The following IPCEF1 variants were observed in gnomAD, a reference collection of about 807,000 sequenced individuals.
The protein encoded by IPCEF1 is interaction protein for cytohesin exchange factors 1.
Under a neutral mutation model 50.9 loss-of-function variants are expected in IPCEF1, and 31 were observed. The observed-to-expected ratio is 0.61, with a 90% CI of 0.46 to 0.82. The LOEUF (loss-of-function observed/expected upper bound fraction) is 0.82. IPCEF1 is among the 40% of genes least tolerant of loss of function. The pLI is 0.00. For synonymous variants in IPCEF1, 181 were observed against 192.0 expected (o/e 0.94, Z 0.47); for missense variants, 458 against 514.0 (o/e 0.89, Z 1.05).
At chr6:154,250,164 G>A (rs907711369) in intron 3 of IPCEF1, among the ~76,000 whole-genome samples, 1 of 151,208 alleles carries the variant, frequency 6.6e-6, no homozygotes, top group Non-Finnish European at 1.5e-5. Flanking sequence ...TTGCATCTAA[G>A]ATAGATTTTA....
chr6:154,311,043 G>C (rs1467648127), intron 1 of IPCEF1, among the ~76,000 whole-genome samples: 1 of 152,056 alleles, frequency 6.6e-6, no homozygotes, highest in Non-Finnish European at 1.5e-5. Context: ...TGTTGGAAGG[G>C]AATAAATATG....
At chr6:154,260,473 G>T (rs1781569171) in intron 3 of IPCEF1, among the ~76,000 whole-genome samples, 1 of 92,334 alleles carries the variant, frequency 1.1e-5, no homozygotes, top group African/African-American at 4.1e-5. Flanking sequence ...TAAGACCAGA[G>T]AACTTTTTTT....
intron 1 of IPCEF1, among the ~76,000 whole-genome samples, chr6:154,331,970 T>C (rs1209307121): frequency 2.6e-5 from 4 of 152,192 alleles, no homozygotes; most frequent in Non-Finnish European, 5.9e-5. Flanking sequence ...GTTTACATCC[T>C]TTCATTACTG....
intron 10 of IPCEF1, among the ~76,000 whole-genome samples, chr6:154,181,384 T>C (rs1032926365): frequency 2.0e-5 from 3 of 152,174 alleles, no homozygotes; most frequent in African/African-American, 4.8e-5. Flanking sequence ...AACACTTCTA[T>C]GAGAAGTGTT....
intron 3 of IPCEF1, among the ~76,000 whole-genome samples, chr6:154,257,898 A>T (rs145567350): frequency 2.0e-4 from 30 of 152,124 alleles, no homozygotes; most frequent in African/African-American, 7.0e-4. Flanking sequence ...AGATGGAGTC[A>T]TGCCATGTGG....
intron 5 of IPCEF1, among the ~76,000 whole-genome samples, chr6:154,238,846 C>T (rs1228652913): frequency 6.6e-6 from 1 of 151,714 alleles, no homozygotes; most frequent in African/African-American, 2.4e-5. Context: ...ATGCCTGGCC[C>T]TATTGTATAA....
chr6:154,160,180 G>T, intron 11 of IPCEF1, 140 bp from the exon 12 acceptor site: 1 of 683,380 alleles, frequency 1.5e-6, no homozygotes, highest in Non-Finnish European at 2.5e-6. Context: ...TCTAATTCCA[G>T]CATTAAGCTT....
intron 1 of IPCEF1, among the ~76,000 whole-genome samples, chr6:154,304,268 TA>T (rs900491016): frequency 2.8e-4 from 43 of 152,128 alleles, no homozygotes; most frequent in Admixed American, 2.0e-3. Context: ...AAATATACTT[TA>T]AAAATACATC....
intron 5 of IPCEF1, among the ~76,000 whole-genome samples, chr6:154,240,453 T>G (rs545687482): frequency 6.6e-6 from 1 of 152,174 alleles, no homozygotes; most frequent in African/African-American, 2.4e-5. Context: ...TGCCTACTGA[T>G]GAAAGGTTCA....
chr6:154,161,756 T>C (rs921294780), intron 11 of IPCEF1, among the ~76,000 whole-genome samples: 2 of 152,216 alleles, frequency 1.3e-5, no homozygotes, highest in African/African-American at 4.8e-5. Context: ...TCCCTGCACC[T>C]AACGCAATGC....
rs1285820897 is a variant in IPCEF1, at chr6:154,263,852, G to A, written c.36+2060C>T. Reference sequence around the variant, plus strand: ...CAGAGGCGCCCCTCACCTCCCGGACGGGGCGGCTGGCCGGGCGGGGGGCTG... The same window carrying A: ...CAGAGGCGCCCCTCACCTCCCGGACAGGGCGGCTGGCCGGGCGGGGGGCTG... On this transcript the variant is annotated intron_variant, in intron 3 of 11. Coordinates refer to ENST00000367220, the MANE Select transcript of IPCEF1 (RefSeq NM_001130700.2). 2.4e-4 allele frequency among the ~76,000 whole-genome samples: 10 copies of A among 42,406 alleles called. 3 individuals are homozygous for A. Among genetic ancestry groups the A allele is most frequent in the Non-Finnish European group, 4.0e-4 (8 of 20,176 alleles). 27.8% of individuals were successfully genotyped at this position (42,406 alleles called of 152,430 possible). A position where few individuals can be genotyped will look rare whatever the true frequency, so the allele number is the denominator to read the frequency against.
chr6:154,172,024 TTC>T (rs1323278933), intron 10 of IPCEF1, among the ~76,000 whole-genome samples: 2 of 152,234 alleles, frequency 1.3e-5, no homozygotes, highest in Non-Finnish European at 2.9e-5. Flanking sequence ...TTCTTTACAT[TTC>T]TCTGTGTTCA....
intron 2 of IPCEF1, among the ~76,000 whole-genome samples, chr6:154,271,074 T>G (rs1781890757): frequency 6.6e-6 from 1 of 151,424 alleles, no homozygotes; most frequent in Non-Finnish European, 1.5e-5. Context: ...AAATATGTAA[T>G]AGGACTTGGC....
intron 3 of IPCEF1, among the ~76,000 whole-genome samples, chr6:154,258,387 A>G (rs1198643671): frequency 6.6e-6 from 1 of 152,132 alleles, no homozygotes; most frequent in African/African-American, 2.4e-5. Flanking sequence ...CAGACTCCTA[A>G]GCCTATTGTT....
chr6:154,336,724 C>A (rs139472656), intron 1 of IPCEF1, among the ~76,000 whole-genome samples: 1 of 152,136 alleles, frequency 6.6e-6, no homozygotes, highest in East Asian at 1.9e-4. Flanking sequence ...CTGCCTCAGC[C>A]TCCCAGGTAA....
At chr6:154,229,733 A>G (rs754134360) in intron 5 of IPCEF1, among the ~76,000 whole-genome samples, 1 of 152,232 alleles carries the variant, frequency 6.6e-6, no homozygotes, top group Non-Finnish European at 1.5e-5. Context: ...TCTACCCAAG[A>G]GGAATGGATG....
At chr6:154,331,039 G>A (rs1783646969) in intron 1 of IPCEF1, among the ~76,000 whole-genome samples, 1 of 152,086 alleles carries the variant, frequency 6.6e-6, no homozygotes, top group Non-Finnish European at 1.5e-5. Context: ...GGCCGAGGCG[G>A]GTGGATCACT....
chr6:154,279,361 G>A (rs914601290), intron 2 of IPCEF1, among the ~76,000 whole-genome samples: 10 of 152,166 alleles, frequency 6.6e-5, no homozygotes, highest in African/African-American at 2.4e-4. Context: ...GAAAGATGTC[G>A]TGTGTTCATT....
rs1178712991 is a variant in IPCEF1 at position 154,156,646 on chromosome 6, T to TA, written c.*3181dup. 6.6e-6 allele frequency: 1 copy of TA among 152,250 alleles called. No individual in the cohort carries two copies. The highest frequency in any genetic ancestry group is 6.5e-5 in the Admixed American group (1 of 15,288). 9.4% of individuals were successfully genotyped at this position (152,250 alleles called of 1,614,324 possible). A position where few individuals can be genotyped will look rare whatever the true frequency, so the allele number is the denominator to read the frequency against. The stretch of plus-strand genomic sequence containing the variant: ...CTGACTCCAAACACAATCTCTTTCT[T>TA]ACGCTTCCTGGAGTCTTTGTAATCC... On this transcript the variant is annotated 3_prime_UTR_variant, in exon 12 of 12. Transcript: ENST00000367220.
Sources: allele counts gnomAD v4.1 joint callset (sites outside exome capture counted in the v4.1 genomes callset), GRCh38; gene constraint gnomAD v4.1.1; transcripts MANE v1.5; gene names NCBI Gene and HGNC (gene_info 2026-07-23, HGNC 2026-07-21).